Variants in NR2F1-AS1 observed in about 807,000 individuals in gnomAD.
The protein encoded by NR2F1-AS1 is NR2F1 antisense RNA 1.
intron 1 of NR2F1-AS1, among the ~76,000 whole-genome samples, chr5:93,578,057 C>CA (rs1221578256): frequency 1.3e-5 from 2 of 151,824 alleles, no homozygotes; most frequent in Admixed American, 6.6e-5. Flanking sequence ...ATATCAATAT[C>CA]AAAAAAAGCC....
At chr5:93,483,188 A>AT (rs1318344119) in intron 4 of NR2F1-AS1, among the ~76,000 whole-genome samples, 1 of 152,130 alleles carries the variant, frequency 6.6e-6, no homozygotes, top group Non-Finnish European at 1.5e-5. Context: ...CAGACACCTC[A>AT]TACAGGAGCG....
At chr5:93,569,229 AAG>A (rs2149925760) in intron 1 of NR2F1-AS1, among the ~76,000 whole-genome samples, 1 of 152,312 alleles carries the variant, frequency 6.6e-6, no homozygotes, top group African/African-American at 2.4e-5. Flanking sequence ...AGGAAGACAG[AAG>A]AGAAGGGAGA....
intron 4 of NR2F1-AS1, among the ~76,000 whole-genome samples, chr5:93,465,181 C>G (rs1202013940): frequency 2.0e-5 from 3 of 152,178 alleles, no homozygotes; most frequent in Admixed American, 6.5e-5. Context: ...ACTCACCTGT[C>G]AAAGGGCTAA....
At chr5:93,439,312 T>G (rs1007991100) in intron 4 of NR2F1-AS1, among the ~76,000 whole-genome samples, 2 of 152,260 alleles carry the variant, frequency 1.3e-5, no homozygotes, top group African/African-American at 4.8e-5. Flanking sequence ...TTTCTTTTTT[T>G]TGAGACGGAG....
chr5:93,504,251 T>C (rs867173852), intron 4 of NR2F1-AS1, among the ~76,000 whole-genome samples: 1 of 152,188 alleles, frequency 6.6e-6, no homozygotes, highest in Non-Finnish European at 1.5e-5. Context: ...TTGAAGTCAT[T>C]TAAGCTTAAA....
rs565372428 is a variant in NR2F1-AS1, at chr5:93,466,361, C to T, written n.639-70819G>A. On this transcript the variant is annotated intron_variant and non_coding_transcript_variant, in intron 4 of 5. Transcript: ENST00000660523. Reference sequence around the variant, plus strand: ...TTTTTTTTTTCTTGAGACATGGTCTCGCTCTGTCACCCAGGCACTGGAGTG... The same window carrying T: ...TTTTTTTTTTCTTGAGACATGGTCTTGCTCTGTCACCCAGGCACTGGAGTG... 9.3e-5 allele frequency among the ~76,000 whole-genome samples: 14 copies of T among 150,456 alleles called. No individual in the cohort carries two copies. In the South Asian group the frequency reaches 1.3e-3, roughly 14 times the overall value.
intron 4 of NR2F1-AS1, among the ~76,000 whole-genome samples, chr5:93,536,473 G>C (rs1423886832): frequency 8.6e-5 from 13 of 151,906 alleles, no homozygotes. Flanking sequence ...ACTCCAAATA[G>C]CAAAAGCAAT....
At chr5:93,547,524 T>A (rs1249490764) in intron 4 of NR2F1-AS1, among the ~76,000 whole-genome samples, 2 of 152,172 alleles carry the variant, frequency 1.3e-5, no homozygotes, top group Non-Finnish European at 2.9e-5. Context: ...ATTTTACATA[T>A]TATCTATAAT....
intron 4 of NR2F1-AS1, among the ~76,000 whole-genome samples, chr5:93,438,260 C>T (rs80061458): frequency 0.012 from 1,896 of 152,316 alleles, 45 homozygotes; most frequent in African/African-American, 0.043. Context: ...TCCTTTTCAA[C>T]GGAATCTACA....
intron 1 of NR2F1-AS1, among the ~76,000 whole-genome samples, chr5:93,566,481 A>C (rs1752620885): frequency 1.3e-5 from 2 of 152,106 alleles, no homozygotes; most frequent in South Asian, 4.1e-4. Context: ...TAACCAGCCT[A>C]TTTCACATCT....
At chr5:93,436,359 A>G (rs1417617438) in intron 4 of NR2F1-AS1, among the ~76,000 whole-genome samples, 2 of 152,158 alleles carry the variant, frequency 1.3e-5, no homozygotes, top group Non-Finnish European at 2.9e-5. Flanking sequence ...AAGTGACTGC[A>G]TTTCACCAAT....
intron 4 of NR2F1-AS1, among the ~76,000 whole-genome samples, chr5:93,489,564 T>C (rs1750795113): frequency 6.6e-6 from 1 of 152,130 alleles, no homozygotes; most frequent in Admixed American, 6.6e-5. Flanking sequence ...CTGCAGTATT[T>C]CTGAGGTATG....
rs185446484 is a variant in NR2F1-AS1, at chr5:93,499,860, T to G, written n.638+53901A>C. On this transcript the variant is annotated intron_variant and non_coding_transcript_variant, in intron 4 of 5. Coordinates refer to ENST00000660523, the Ensembl canonical transcript of NR2F1-AS1. Reference sequence around the variant, plus strand: ...CTTATTGCTGATGCAGAGAAAGCTTTAGGGGCCTGGATAGAAGATCAAACC... The same window carrying G: ...CTTATTGCTGATGCAGAGAAAGCTTGAGGGGCCTGGATAGAAGATCAAACC... Among the ~76,000 whole-genome samples the G allele has an allele frequency of 3.3e-3, 500 of 152,332 alleles. 3 individuals carry two copies. The highest frequency in any genetic ancestry group is 0.027 in the Middle Eastern group (8 of 294).
At chr5:93,562,640 A>C (rs1752519167) in intron 2 of NR2F1-AS1, among the ~76,000 whole-genome samples, 1 of 152,202 alleles carries the variant, frequency 6.6e-6, no homozygotes, top group Non-Finnish European at 1.5e-5. Flanking sequence ...GGAAAAATTA[A>C]ATATATTTTC....
At chr5:93,439,907 T>C (rs1328686210) in intron 4 of NR2F1-AS1, among the ~76,000 whole-genome samples, 2 of 152,194 alleles carry the variant, frequency 1.3e-5, no homozygotes, top group African/African-American at 4.8e-5. Context: ...AAATGATATA[T>C]TTGCTTATCT....
At chr5:93,524,912 TG>T (rs1175476271) in intron 4 of NR2F1-AS1, among the ~76,000 whole-genome samples, 1 of 152,048 alleles carries the variant, frequency 6.6e-6, no homozygotes, top group Non-Finnish European at 1.5e-5. Flanking sequence ...CATACCAAAT[TG>T]TAAAGACCAC....
chr5:93,415,160 G>C (rs1251885333), intron 4 of NR2F1-AS1, among the ~76,000 whole-genome samples: 3 of 152,152 alleles, frequency 2.0e-5, no homozygotes, highest in Non-Finnish European at 4.4e-5. Flanking sequence ...AAGAATATAG[G>C]TTAGGTTGCT....
chr5:93,421,366 TAA>T lies in NR2F1-AS1; in HGVS notation n.639-25826_639-25825del, dbSNP rs34159028. ...TTCTGGTAAACAGATTCTTTTGAGT[TAA>T]AAAAAAAAAAAAGAGGGAAAAGCTT... On this transcript the variant is annotated intron_variant and non_coding_transcript_variant, in intron 4 of 5. Coordinates refer to ENST00000660523, the Ensembl canonical transcript of NR2F1-AS1. 1.6e-3 allele frequency among the ~76,000 whole-genome samples: 220 copies of T among 141,408 alleles called. 1 individual carries two copies. Among genetic ancestry groups the T allele is most frequent in the African/African-American group, 3.5e-3 (138 of 38,916 alleles). 92.8% of individuals were successfully genotyped at this position (141,408 alleles called of 152,430 possible).
At chr5:93,518,899 C>A (rs1046066872) in intron 4 of NR2F1-AS1, among the ~76,000 whole-genome samples, 3 of 152,034 alleles carry the variant, frequency 2.0e-5, no homozygotes, top group African/African-American at 7.2e-5. Flanking sequence ...CATCATGGTA[C>A]AGACTGGTGA....
Sources: allele counts gnomAD v4.1 joint callset (sites outside exome capture counted in the v4.1 genomes callset), GRCh38; gene constraint gnomAD v4.1.1; transcripts MANE v1.5; gene names NCBI Gene and HGNC (gene_info 2026-07-23, HGNC 2026-07-21).